RET: variants seen among roughly 807,000 people sequenced by gnomAD.
The protein encoded by RET is proto-oncogene tyrosine-protein kinase receptor Ret.
A neutral mutation model predicts 118.3 loss-of-function variants in RET; 19 were observed. That is an observed-to-expected ratio of 0.16 (90% CI 0.11 to 0.24). The LOEUF is 0.24. Among genes scored for constraint, RET ranks in the 10% least tolerant of loss-of-function variants. The probability of loss-of-function intolerance (pLI) is 1.00; values close to 1 mark genes in which losing one functional copy is unlikely to be tolerated. For missense variants in RET, 1,219 were observed against 1,502.1 expected, an observed-to-expected ratio of 0.81 and a Z score of 3.12; for synonymous variants, 597 against 644.1, an observed-to-expected ratio of 0.93 and a Z score of 1.11.
At position 43,111,370 on chromosome 10, in the gene RET, C is replaced by T. The variant is rs762335805; in HGVS notation, c.1427C>T (p.Pro476Leu). 5.6e-6 allele frequency: 9 copies of T among 1,614,026 alleles called. No individual in the cohort carries two copies. The Middle Eastern group carries it at 1.2e-3, about 207-fold the overall frequency. The change falls in exon 7 of 20, where the codon CCC (proline) becomes CTC (leucine). Residue 476 changes from proline (P) to leucine (L), a missense_variant. Physicochemically the swap from Pro to Leu is moderately conservative, Grantham distance 98. Coordinates refer to ENST00000355710, the MANE Select transcript of RET (RefSeq NM_020975.6). ...AATGACACCAAGGCCCTGCGGCGGC[C>T]CAAGTGTGCCGAACTTCACTACATG... ...FVNDTKALRRPKCAELHYMVV... is the reference protein window; with the variant it reads ...FVNDTKALRRLKCAELHYMVV...
At chr10:43,093,796 G>A (rs1289964616) in intron 1 of RET, among the ~76,000 whole-genome samples, 5 of 152,130 alleles carry the variant, frequency 3.3e-5, no homozygotes, top group South Asian at 2.1e-4. Context: ...GTAGAGTGGA[G>A]GAAAATAGCT....
Position 43,106,635 on chromosome 10 carries a change from G to GA in RET, c.1063+64_1063+65insA. 1 of 1,523,378 alleles carries GA rather than the reference G, an allele frequency of 6.6e-7. No homozygotes were observed. 94.4% of individuals were successfully genotyped at this position (1,523,378 alleles called of 1,614,324 possible). A position where few individuals can be genotyped will look rare whatever the true frequency, so the allele number is the denominator to read the frequency against. On this transcript the variant is annotated intron_variant, in intron 5 of 19. Transcript: ENST00000355710. The surrounding 1 kb of genome is among the most constrained non-coding windows in gnomAD (Gnocchi z 5.1). ...GGAAATGAGGTGCTCGCTCTTCATG[G>GA]GCAAGCAGCACCCTACACACATGCA...
intron 12 of RET, 26 bp from the exon 13 acceptor site, chr10:43,118,347 G>A (rs2132926726): frequency 6.3e-7 from 1 of 1,593,274 alleles, no homozygotes; most frequent in Non-Finnish European, 8.6e-7. Flanking sequence ...GCGATCGTTT[G>A]CAACCTGCTC....
intron 8 of RET, among the ~76,000 whole-genome samples, 191 bp from the exon 9 acceptor site, chr10:43,112,662 A>AC (rs1353750122): frequency 1.3e-5 from 2 of 151,808 alleles, no homozygotes; most frequent in African/African-American, 4.8e-5. Context: ...TGTGTGAGGA[A>AC]CCCCCCATAC....
In RET at chr10:43,126,492, G is replaced by A. The variant is rs1034562389; in HGVS notation, c.3040-83G>A. ...AGGTGGAGACACAGCCAGAGCCTCT[G>A]CCCTGAGGATGGCTTGTTGTATACT... is the stretch of plus-strand genomic sequence containing the variant. On this transcript the variant is annotated intron_variant, in intron 18 of 19. Coordinates refer to ENST00000355710, the MANE Select transcript of RET (RefSeq NM_020975.6). The A allele has an allele frequency of 2.8e-5, 35 of 1,229,678 alleles. No homozygotes were observed. In the African/African-American group the frequency reaches 3.7e-4, roughly 13 times the overall value. 76.2% of individuals were successfully genotyped at this position (1,229,678 alleles called of 1,614,324 possible).
chr10:43,124,565 T>C (rs569959946), intron 17 of RET, among the ~76,000 whole-genome samples: 1 of 152,358 alleles, frequency 6.6e-6, no homozygotes, highest in African/African-American at 2.4e-5. Context: ...GCAAGCATAG[T>C]ATCCAGTGAG....
At chr10:43,127,297 G>T in intron 19 of RET, 1 of 1,071,258 alleles carries the variant, frequency 9.3e-7, no homozygotes, top group Non-Finnish European at 1.1e-6. Context: ...GAGCTGGCTG[G>T]CCCTGGGAGG....
At chr10:43,113,027 CA>C (rs1716027902) in intron 9 of RET, 64 bp downstream of exon 9, 3 of 1,354,426 alleles carry the variant, frequency 2.2e-6, no homozygotes, top group Non-Finnish European at 2.1e-6. Flanking sequence ...CTGGATCCCA[CA>C]GGCACTTCAG....
At chr10:43,108,945 G>T in intron 5 of RET, 86 bp from the exon 6 acceptor site, 8 of 1,331,090 alleles carry the variant, frequency 6.0e-6, no homozygotes, top group Non-Finnish European at 8.5e-6. Flanking sequence ...CAGTGTGAGT[G>T]CAGGGCTGTG....
intron 1 of RET, among the ~76,000 whole-genome samples, chr10:43,089,429 G>A (rs3026734): frequency 0.031 from 4,691 of 152,338 alleles, 105 homozygotes; most frequent in African/African-American, 0.068. Flanking sequence ...TAGCATATGC[G>A]TGTCCATCTG....
chr10:43,099,357 C>T (rs1284721301), intron 1 of RET, among the ~76,000 whole-genome samples: 1 of 151,790 alleles, frequency 6.6e-6, no homozygotes, highest in Non-Finnish European at 1.5e-5. Context: ...TAAGAAAATA[C>T]AAAATTAGCT....
rs761086815 is a variant in RET at position 43,100,712 on chromosome 10, C to G, written c.327C>G (p.Leu109=). The stretch of plus-strand genomic sequence containing the variant: ...TGGACCATAGCTCCTGGGAGAAGCT[C>G]AGTGTCCGCAGTAAGGGAGCCGCCC... ...RSLDHSSWEK[L]SVRNRGFPLL... The change falls in exon 2 of 20, where the codon CTC becomes CTG. Residue 109 remains leucine, a synonymous_variant. Transcript: ENST00000355710. 1 of 1,599,144 alleles carries G rather than the reference C, an allele frequency of 6.3e-7. No homozygotes were observed. The highest frequency in any genetic ancestry group is 8.5e-7 in the Non-Finnish European group (1 of 1,173,336).
Position 43,106,297 on chromosome 10 carries a change from G to A in RET, c.868-79G>A. The A allele has an allele frequency of 1.5e-6, 2 of 1,369,560 alleles. No individual in the cohort carries two copies. Among genetic ancestry groups the A allele is most frequent in the Non-Finnish European group, 2.0e-6 (2 of 979,632 alleles). 84.8% of individuals were successfully genotyped at this position (1,369,560 alleles called of 1,614,324 possible). A position where few individuals can be genotyped will look rare whatever the true frequency, so the allele number is the denominator to read the frequency against. On this transcript the variant is annotated intron_variant, in intron 4 of 19. Transcript: ENST00000355710. This position sits in a 1 kb window ranked among gnomAD's most constrained non-coding sequence, Gnocchi z 5.1. Reference sequence around the variant, plus strand: ...ACCTATGGGCTGTGTGGGACGTGCAGCATTCTAAGGTCTCTGGTTTTGGGG... The same window carrying A: ...ACCTATGGGCTGTGTGGGACGTGCAACATTCTAAGGTCTCTGGTTTTGGGG...
chr10:43,105,805 A>G (rs1268448412), intron 4 of RET, among the ~76,000 whole-genome samples: 2 of 152,164 alleles, frequency 1.3e-5, no homozygotes, highest in African/African-American at 4.8e-5. Flanking sequence ...GGTCTGGTCG[A>G]AAGCACAATT....
chr10:43,090,117 G>A (rs560923780), intron 1 of RET, among the ~76,000 whole-genome samples: 23 of 152,348 alleles, frequency 1.5e-4, no homozygotes, highest in Middle Eastern at 3.4e-3. Context: ...CTGGACATGT[G>A]TGAGTAGGCC....
At chr10:43,077,574 C>G (rs2132502320) in intron 1 of RET, among the ~76,000 whole-genome samples, 1 of 151,230 alleles carries the variant, frequency 6.6e-6, no homozygotes, top group Non-Finnish European at 1.5e-5. Flanking sequence ...GGAGCGCGGG[C>G]CGGGCCGCGG....
chr10:43,110,058 A>C (rs958792271), intron 6 of RET, among the ~76,000 whole-genome samples: 2 of 152,148 alleles, frequency 1.3e-5, no homozygotes, highest in African/African-American at 2.4e-5. Flanking sequence ...CCAGCCCACG[A>C]GGGAGCCCAC....
intron 12 of RET, among the ~76,000 whole-genome samples, chr10:43,117,126 G>A (rs564347311): frequency 1.3e-5 from 2 of 152,342 alleles, no homozygotes; most frequent in African/African-American, 4.8e-5. Flanking sequence ...GGCCTGTCTG[G>A]CCTGCATGCC....
rs1837776673 is a variant in RET at position 43,106,400 on chromosome 10, G to A, written c.892G>A (p.Val298Ile). 2 of 1,612,564 alleles carry A rather than the reference G, an allele frequency of 1.2e-6. No individual in the cohort carries two copies. The highest frequency in any genetic ancestry group is 4.5e-5 in the East Asian group (2 of 44,876). Reference sequence around the variant, plus strand: ...GGACACCGTGGTGGCCACGCTGCGTGTCTTCGATGCAGACGTGGTACCTGC... The same window carrying A: ...GGACACCGTGGTGGCCACGCTGCGTATCTTCGATGCAGACGTGGTACCTGC... Reference protein sequence around the residue: ...KEDTVVATLRVFDADVVPASG... With the variant: ...KEDTVVATLRIFDADVVPASG... Residue 298 changes from valine to isoleucine, a missense_variant, in exon 5 of 20, where the codon GTC becomes ATC. By Grantham distance (29) the Val-to-Ile change is conservative. Around this residue, in one of 5 missense-constraint regions of RET, gnomAD observed 850 missense variants for 969.6 expected, o/e 0.88. Transcript: ENST00000355710. This position sits in a 1 kb window ranked among gnomAD's most constrained non-coding sequence, Gnocchi z 5.1.
Sources: allele counts gnomAD v4.1 joint callset (sites outside exome capture counted in the v4.1 genomes callset), GRCh38; gene constraint gnomAD v4.1.1; regional missense constraint gnomAD v4.1.1; non-coding constraint Gnocchi (gnomAD v3.1); transcripts MANE v1.5; gene names NCBI Gene and HGNC (gene_info 2026-07-23, HGNC 2026-07-21).